The following NEO1 variants were observed in gnomAD, a reference collection of about 807,000 sequenced individuals.
NEO1 encodes neogenin 1.
NEO1 carries 63 observed loss-of-function variants against 159.7 expected under a neutral mutation model. That is an observed-to-expected ratio of 0.39 (90% CI 0.32 to 0.49). NEO1 has a LOEUF of 0.49. Ranked by LOEUF, NEO1 falls within the 20% of genes least tolerant of loss-of-function variation. The probability of loss-of-function intolerance (pLI) is 0.85; values close to 1 mark genes in which losing one functional copy is unlikely to be tolerated. For synonymous variants in NEO1, 633 were observed against 662.0 expected, an observed-to-expected ratio of 0.96 and a Z score of 0.67; for missense variants, 1,615 against 1,831.0, an observed-to-expected ratio of 0.88 and a Z score of 2.15.
At chr15:73,123,617 TC>T (rs1232695656) in intron 3 of NEO1, among the ~76,000 whole-genome samples, 15 of 152,188 alleles carry the variant, frequency 9.9e-5, no homozygotes, top group Non-Finnish European at 1.9e-4. Context: ...CTTCTGGTGT[TC>T]CTCATAATCA....
At chr15:73,290,879 A>G (rs763572093) in intron 25 of NEO1, among the ~76,000 whole-genome samples, 3 of 150,910 alleles carry the variant, frequency 2.0e-5, no homozygotes, top group Admixed American at 6.6e-5. Context: ...CAAATCCCCA[A>G]CCTCTTGGTG....
intron 7 of NEO1, among the ~76,000 whole-genome samples, chr15:73,219,851 C>T (rs1427133690): frequency 6.7e-6 from 1 of 149,410 alleles, no homozygotes; most frequent in Non-Finnish European, 1.5e-5. Flanking sequence ...GAATACAGCA[C>T]ACTGATGGGT....
At chr15:73,218,246 T>G (rs111825760) in intron 7 of NEO1, among the ~76,000 whole-genome samples, 1 of 151,216 alleles carries the variant, frequency 6.6e-6, no homozygotes. Context: ...TTGCGTATAT[T>G]GAACCAGCCT....
chr15:73,079,608 C>T (rs2068942164), intron 1 of NEO1, among the ~76,000 whole-genome samples: 1 of 151,950 alleles, frequency 6.6e-6, no homozygotes. Context: ...TATGTATTTT[C>T]AACTCATTTT....
At position 73,302,721 on chromosome 15, in the gene NEO1, A is replaced by G. The variant is rs1159721199; in HGVS notation, c.*25A>G. On this transcript the variant is annotated 3_prime_UTR_variant, in exon 29 of 29. Coordinates refer to ENST00000261908, the MANE Select transcript of NEO1 (RefSeq NM_002499.4). The stretch of plus-strand genomic sequence containing the variant: ...ACGACCTTCACCAGGACCTGACTTC[A>G]AACCTGAGTCTGGAAGTCTTGGAAC... 3 of 1,602,498 alleles carry G rather than the reference A, an allele frequency of 1.9e-6. No individual in the cohort carries two copies. The highest frequency in any genetic ancestry group is 3.4e-5 in the Admixed American group (2 of 59,384).
intron 1 of NEO1, among the ~76,000 whole-genome samples, chr15:73,085,691 C>T (rs1460120625): frequency 6.6e-6 from 1 of 152,132 alleles, no homozygotes; most frequent in Non-Finnish European, 1.5e-5. Context: ...AGTGATGTCT[C>T]ATAGTTTTAA....
At chr15:73,247,697 TA>T in intron 9 of NEO1, among the ~76,000 whole-genome samples, 1 of 152,352 alleles carries the variant, frequency 6.6e-6, no homozygotes, top group Non-Finnish European at 1.5e-5. Context: ...TTTTTAAATC[TA>T]ATGAATGTCT....
intron 1 of NEO1, among the ~76,000 whole-genome samples, chr15:73,064,219 G>T (rs1396257474): frequency 1.3e-5 from 2 of 152,180 alleles, no homozygotes; most frequent in African/African-American, 4.8e-5. Context: ...GTTCCACTTT[G>T]TTCACACTTA....
chr15:73,244,425 TA>T lies in NEO1; in HGVS notation c.1534del (p.Arg512GlufsTer19). ...TAATGCCAGCGACCGTGTACATCTT[TA>T]GAGTTATGGCTCAAAATAAGCATGG... is the stretch of plus-strand genomic sequence containing the variant. ...NLMPATVYIF[R>X]VMAQNKHGSG... On this transcript the variant is annotated frameshift_variant, in exon 9 of 29. Coordinates refer to ENST00000261908, the MANE Select transcript of NEO1 (RefSeq NM_002499.4). LOFTEE classifies it high-confidence loss of function. 6.2e-7 allele frequency: 1 copy of T among 1,614,110 alleles called. No homozygotes were observed. The highest frequency in any genetic ancestry group is 8.5e-7 in the Non-Finnish European group (1 of 1,179,990).
chr15:73,177,996 T>C (rs769976713), intron 6 of NEO1, among the ~76,000 whole-genome samples: 3 of 152,230 alleles, frequency 2.0e-5, no homozygotes, highest in Non-Finnish European at 4.4e-5. Flanking sequence ...GGACTTTAAC[T>C]GTGGTCAGTT....
intron 13 of NEO1, among the ~76,000 whole-genome samples, chr15:73,257,915 G>A (rs1164924175): frequency 6.6e-6 from 1 of 152,132 alleles, no homozygotes; most frequent in Non-Finnish European, 1.5e-5. Flanking sequence ...ATTGACTTGG[G>A]CCCAGGCATT....
chr15:73,139,882 A>G (rs2032210865), intron 5 of NEO1, among the ~76,000 whole-genome samples: 2 of 152,184 alleles, frequency 1.3e-5, no homozygotes, highest in Non-Finnish European at 1.5e-5. Context: ...AAAGCCTAAA[A>G]TATTTACTGT....
intron 5 of NEO1, among the ~76,000 whole-genome samples, chr15:73,157,341 C>T (rs528304544): frequency 6.6e-6 from 1 of 152,362 alleles, no homozygotes; most frequent in African/African-American, 2.4e-5. Flanking sequence ...GTTCCCAGGA[C>T]CATCCACAGC....
chr15:73,156,941 A>G (rs1386528027), intron 5 of NEO1, among the ~76,000 whole-genome samples: 1 of 152,140 alleles, frequency 6.6e-6, no homozygotes, highest in African/African-American at 2.4e-5. Context: ...GACTGTTGCT[A>G]TGCCGAAGTC....
intron 5 of NEO1, among the ~76,000 whole-genome samples, chr15:73,170,149 A>T (rs2034855656): frequency 6.6e-6 from 1 of 152,146 alleles, no homozygotes; most frequent in South Asian, 2.1e-4. Context: ...GTAAATTTAA[A>T]ATTGTAATTG....
At chr15:73,149,977 G>T (rs1279677072) in intron 5 of NEO1, among the ~76,000 whole-genome samples, 1 of 152,092 alleles carries the variant, frequency 6.6e-6, no homozygotes, top group African/African-American at 2.4e-5. Flanking sequence ...CTGTAGGTTT[G>T]TACCCATTTA....
intron 7 of NEO1, among the ~76,000 whole-genome samples, chr15:73,216,216 AATG>A (rs1171709056): frequency 6.6e-6 from 1 of 152,074 alleles, no homozygotes; most frequent in Non-Finnish European, 1.5e-5. Context: ...GTTTACTGAG[AATG>A]ATGATTTCTA....
chr15:73,110,427 G>A (rs1288920008), intron 1 of NEO1, among the ~76,000 whole-genome samples: 1 of 152,126 alleles, frequency 6.6e-6, no homozygotes, highest in African/African-American at 2.4e-5. Context: ...TTTTACTTCT[G>A]CAAGTATTCA....
chr15:73,066,560 T>C (rs1341749156), intron 1 of NEO1, among the ~76,000 whole-genome samples: 2 of 152,206 alleles, frequency 1.3e-5, no homozygotes, highest in Non-Finnish European at 2.9e-5. Flanking sequence ...TCTCAGGATT[T>C]ACCTTTACTT....
Sources: allele counts gnomAD v4.1 joint callset (sites outside exome capture counted in the v4.1 genomes callset), GRCh38; gene constraint gnomAD v4.1.1; transcripts MANE v1.5; gene names NCBI Gene and HGNC (gene_info 2026-07-23, HGNC 2026-07-21).